The following ASAP2 variants were observed in gnomAD, a reference collection of about 807,000 sequenced individuals.
The protein encoded by ASAP2 is arf-GAP with SH3 domain, ANK repeat and PH domain-containing protein 2.
Under a neutral mutation model 131.4 loss-of-function variants are expected in ASAP2, and 45 were observed. The observed-to-expected ratio is 0.34, with a 90% CI of 0.27 to 0.44. The LOEUF is 0.44. ASAP2 is among the 20% of genes least tolerant of loss of function. The pLI, the probability that ASAP2 is intolerant of heterozygous loss-of-function variation, is 1.00. For synonymous variants in ASAP2, 510 were observed against 503.0 expected (o/e 1.01, Z -0.19); for missense variants, 1,011 against 1,297.0 (o/e 0.78, Z 3.39).
chr2:9,305,386 G>C, intron 3 of ASAP2, among the ~76,000 whole-genome samples: 1 of 149,570 alleles, frequency 6.7e-6, no homozygotes, highest in Admixed American at 6.7e-5. Context: ...TATAGATATT[G>C]GTGGAGGGGC....
intron 9 of ASAP2, among the ~76,000 whole-genome samples, chr2:9,340,547 TC>T (rs1437526615): frequency 6.6e-6 from 1 of 152,218 alleles, no homozygotes; most frequent in Non-Finnish European, 1.5e-5. Context: ...GGCTTCCAGC[TC>T]CCAGTTGTGC....
chr2:9,330,322 A>G (rs1364546607), intron 7 of ASAP2, among the ~76,000 whole-genome samples: 1 of 152,258 alleles, frequency 6.6e-6, no homozygotes, highest in Non-Finnish European at 1.5e-5. Context: ...AGCCGCAGAA[A>G]GACAAATATC....
intron 1 of ASAP2, among the ~76,000 whole-genome samples, chr2:9,211,758 C>G (rs1168815243): frequency 6.6e-6 from 1 of 152,174 alleles, no homozygotes; most frequent in Non-Finnish European, 1.5e-5. Context: ...CTAGCAGCAA[C>G]AGTGGGAACC....
intron 3 of ASAP2, among the ~76,000 whole-genome samples, chr2:9,303,713 C>T (rs958182167): frequency 4.6e-5 from 7 of 152,198 alleles, no homozygotes; most frequent in African/African-American, 1.4e-4. Flanking sequence ...TTGATCGAGA[C>T]AATGAACAAA....
intron 16 of ASAP2, among the ~76,000 whole-genome samples, chr2:9,373,585 G>A (rs1187057758): frequency 2.0e-5 from 3 of 152,244 alleles, no homozygotes; most frequent in African/African-American, 7.2e-5. Flanking sequence ...GTTGTTCCAC[G>A]GGGATTTAGG....
chr2:9,401,467 G>C, intron 27 of ASAP2, 71 bp downstream of exon 27: 5 of 1,557,896 alleles, frequency 3.2e-6, no homozygotes, highest in East Asian at 2.3e-5. Flanking sequence ...CTGGAGAGAC[G>C]GGCTTGCAGG....
chr2:9,335,343 A>G (rs1671135613), intron 9 of ASAP2, among the ~76,000 whole-genome samples, 164 bp downstream of exon 9: 1 of 152,058 alleles, frequency 6.6e-6, no homozygotes. Flanking sequence ...GTTCTATAAA[A>G]CCATCTTTTA....
At chr2:9,247,121 C>A (rs1368170192) in intron 1 of ASAP2, among the ~76,000 whole-genome samples, 1 of 152,154 alleles carries the variant, frequency 6.6e-6, no homozygotes, top group Non-Finnish European at 1.5e-5. Context: ...TAGGTGTGAG[C>A]CACTGTGGCC....
chr2:9,338,317 GTGTC>G (rs1344345073), intron 9 of ASAP2, among the ~76,000 whole-genome samples: 2 of 151,886 alleles, frequency 1.3e-5, no homozygotes, highest in South Asian at 2.1e-4. Context: ...CTGTCTGTCT[GTGTC>G]TGTCTATCTC....
At chr2:9,377,101 C>G (rs1674461338) in intron 18 of ASAP2, 108 bp downstream of exon 18, 1 of 929,478 alleles carries the variant, frequency 1.1e-6, no homozygotes, top group South Asian at 1.5e-5. Context: ...AGAACCTTCC[C>G]AGTTCTAAAC....
intron 1 of ASAP2, among the ~76,000 whole-genome samples, chr2:9,209,614 G>T (rs1661387983): frequency 6.6e-6 from 1 of 152,204 alleles, no homozygotes; most frequent in Non-Finnish European, 1.5e-5. Context: ...TTGTTGCCCA[G>T]GCTGGAGTGC....
chr2:9,320,834 A>T (rs1670105565), intron 5 of ASAP2, among the ~76,000 whole-genome samples: 1 of 152,216 alleles, frequency 6.6e-6, no homozygotes, highest in Non-Finnish European at 1.5e-5. Context: ...TAACCTGAAG[A>T]ATGGAGAATT....
intron 1 of ASAP2, among the ~76,000 whole-genome samples, chr2:9,215,295 A>G (rs574419923): frequency 3.3e-5 from 5 of 152,202 alleles, no homozygotes; most frequent in Non-Finnish European, 7.3e-5. Flanking sequence ...CACTATGTGG[A>G]GCACGACTGT....
At chr2:9,353,110 T>TTATAC (rs1672455506) in intron 12 of ASAP2, among the ~76,000 whole-genome samples, 1 of 152,202 alleles carries the variant, frequency 6.6e-6, no homozygotes, top group Non-Finnish European at 1.5e-5. Context: ...AAGCCGTGAT[T>TTATAC]TGATGAACAT....
intron 7 of ASAP2, among the ~76,000 whole-genome samples, chr2:9,331,653 G>A (rs543055921): frequency 2.6e-5 from 4 of 152,172 alleles, no homozygotes; most frequent in Admixed American, 6.5e-5. Flanking sequence ...CTGTAGTCCC[G>A]GCTACTCGGG....
intron 5 of ASAP2, among the ~76,000 whole-genome samples, chr2:9,322,871 C>T (rs1670239709): frequency 6.6e-6 from 1 of 152,176 alleles, no homozygotes; most frequent in Non-Finnish European, 1.5e-5. Context: ...GTGCAGACTT[C>T]CTACCTCCTC....
chr2:9,210,224 G>T (rs928549358), intron 1 of ASAP2, among the ~76,000 whole-genome samples: 1 of 152,150 alleles, frequency 6.6e-6, no homozygotes, highest in Non-Finnish European at 1.5e-5. Context: ...TTACTCCTTT[G>T]TCAGATTGAC....
At chr2:9,266,009 A>G (rs1210510246) in intron 1 of ASAP2, among the ~76,000 whole-genome samples, 4 of 146,670 alleles carry the variant, frequency 2.7e-5, no homozygotes, top group Non-Finnish European at 4.7e-5. Context: ...CCTGACCTCA[A>G]GTGATCCACC....
chr2:9,262,125 T>C (rs1178393565), intron 1 of ASAP2, among the ~76,000 whole-genome samples: 2 of 152,182 alleles, frequency 1.3e-5, no homozygotes, highest in Admixed American at 6.5e-5. Context: ...CTGGGAATGA[T>C]AGGCGCGTGC....
Sources: gnomAD v4.1 joint callset for allele counts (sites outside exome capture counted in the v4.1 genomes callset) on GRCh38, gnomAD v4.1.1 for gene constraint, MANE v1.5 for transcripts, NCBI Gene and HGNC (gene_info 2026-07-23, HGNC 2026-07-21) for gene names.